The following SLF1 variants were observed in gnomAD, a reference collection of about 807,000 sequenced individuals.
The protein encoded by SLF1 is SMC5-SMC6 complex localization factor protein 1.
SLF1 carries 105 observed loss-of-function variants against 123.0 expected under a neutral mutation model. That is an observed-to-expected ratio of 0.85 (90% CI 0.73 to 1.00). The LOEUF (loss-of-function observed/expected upper bound fraction) is 1.00. Ranked by LOEUF, SLF1 falls within the 50% of genes least tolerant of loss-of-function variation. The pLI, the probability that SLF1 is intolerant of heterozygous loss-of-function variation, is 0.00. For synonymous variants in SLF1, 434 were observed against 406.6 expected (o/e 1.07, Z -0.81); for missense variants, 1,239 against 1,223.0 (o/e 1.01, Z -0.20).
chr5:94,664,616 T>C (rs961565462), intron 11 of SLF1, among the ~76,000 whole-genome samples: 3 of 152,230 alleles, frequency 2.0e-5, no homozygotes, highest in Non-Finnish European at 4.4e-5. Context: ...AGGCATAAGC[T>C]TTGTCAGGTA....
At position 94,662,301 on chromosome 5, in the gene SLF1, G is replaced by A. The variant is rs1749214001; in HGVS notation, c.1159G>A (p.Val387Ile). The A allele has an allele frequency of 6.5e-7, 1 of 1,547,906 alleles. No homozygotes were observed. Among genetic ancestry groups the A allele is most frequent in the African/African-American group, 1.4e-5 (1 of 72,942 alleles). The change falls in exon 10 of 21, where the codon GTC (valine) becomes ATC (isoleucine). Residue 387 changes from valine (V) to isoleucine (I), a missense_variant. By Grantham distance (29) the Val-to-Ile change is conservative. Coordinates refer to ENST00000265140, the MANE Select transcript of SLF1 (RefSeq NM_032290.4). ...LRKHIYRAQA[V>I]RYNCIRIDKQ... ...TTATATGGTTGCTCTTTTGTAGGCT[G>A]TCAGATACAACTGCATTAGAATAGA...
At position 94,697,262 on chromosome 5, in the gene SLF1, A is replaced by G. The variant is rs1585256368; in HGVS notation, c.*1950A>G. 4 of 151,962 alleles carry G rather than the reference A, an allele frequency of 2.6e-5. No individual in the cohort carries two copies. Among genetic ancestry groups the G allele is most frequent in the South Asian group, 4.1e-4 (2 of 4,824 alleles). 9.4% of individuals were successfully genotyped at this position (151,962 alleles called of 1,614,324 possible). ...ACTGTGTTCTGTGCCCTGGCTAACA[A>G]TACCAGTATATGAGTATGAATCTAA... On this transcript the variant is annotated 3_prime_UTR_variant, in exon 21 of 21. Transcript: ENST00000265140.
intron 4 of SLF1, 75 bp downstream of exon 4, chr5:94,630,818 T>G: frequency 6.8e-7 from 1 of 1,468,184 alleles, no homozygotes; most frequent in East Asian, 2.5e-5. Context: ...CTTTCTGTAT[T>G]TTTTTGCAAT....
At chr5:94,620,952 CT>C (rs1186998425) in intron 1 of SLF1, among the ~76,000 whole-genome samples, 1 of 152,090 alleles carries the variant, frequency 6.6e-6, no homozygotes, top group Non-Finnish European at 1.5e-5. Flanking sequence ...TACCAAATCA[CT>C]TTTGAGAGGA....
At chr5:94,623,238 G>T (rs949269468) in intron 1 of SLF1, among the ~76,000 whole-genome samples, 4 of 152,046 alleles carry the variant, frequency 2.6e-5, no homozygotes, top group South Asian at 2.1e-4. Context: ...GAGATATTTT[G>T]GGAAACTCCA....
chr5:94,622,540 C>T (rs1358047364), intron 1 of SLF1, among the ~76,000 whole-genome samples: 3 of 151,974 alleles, frequency 2.0e-5, no homozygotes, highest in Admixed American at 2.0e-4. Context: ...TCAGATAAAA[C>T]CTAAAAGTCA....
chr5:94,668,072 TTCTCTCC>T (rs1044147751), intron 12 of SLF1, among the ~76,000 whole-genome samples: 10 of 151,878 alleles, frequency 6.6e-5, no homozygotes, highest in Non-Finnish European at 1.2e-4. Flanking sequence ...CTCTTCTCTC[TTCTCTCC>T]TCTCTCCTCT....
chr5:94,625,018 C>G (rs903578317), intron 1 of SLF1, among the ~76,000 whole-genome samples: 2 of 150,974 alleles, frequency 1.3e-5, no homozygotes, highest in African/African-American at 4.9e-5. Flanking sequence ...AACCCCATTT[C>G]TACTAAAAAG....
chr5:94,673,717 T>C (rs1220216514), intron 14 of SLF1, among the ~76,000 whole-genome samples: 2 of 125,708 alleles, frequency 1.6e-5, no homozygotes, highest in African/African-American at 5.7e-5. Context: ...AAAAAAAAAT[T>C]CATCTGAATT....
intron 5 of SLF1, among the ~76,000 whole-genome samples, chr5:94,645,162 T>C (rs1314911174): frequency 1.3e-5 from 2 of 152,124 alleles, no homozygotes; most frequent in African/African-American, 2.4e-5. Context: ...TAAGAGCTTC[T>C]AGGAAGTTGC....
At chr5:94,680,622 A>G (rs1253177234) in intron 15 of SLF1, among the ~76,000 whole-genome samples, 1 of 152,210 alleles carries the variant, frequency 6.6e-6, no homozygotes, top group African/African-American at 2.4e-5. Flanking sequence ...GGATAGTTAG[A>G]TGTCTTGTTT....
intron 5 of SLF1, among the ~76,000 whole-genome samples, chr5:94,649,161 G>C (rs1449838964): frequency 6.6e-6 from 1 of 152,154 alleles, no homozygotes; most frequent in Non-Finnish European, 1.5e-5. Flanking sequence ...ACAGGGACTA[G>C]ATAAAATATT....
At chr5:94,648,592 C>T (rs1198611041) in intron 5 of SLF1, among the ~76,000 whole-genome samples, 2 of 152,214 alleles carry the variant, frequency 1.3e-5, no homozygotes, top group Non-Finnish European at 2.9e-5. Context: ...AGCAATTCTC[C>T]TGCCTCGGCC....
At chr5:94,636,043 AAC>A (rs1745731657) in intron 4 of SLF1, among the ~76,000 whole-genome samples, 1 of 152,208 alleles carries the variant, frequency 6.6e-6, no homozygotes, top group African/African-American at 2.4e-5. Flanking sequence ...ATTTCCGAAG[AAC>A]AGTTTAGCCA....
At chr5:94,681,357 C>G (rs1751743369) in intron 15 of SLF1, among the ~76,000 whole-genome samples, 1 of 152,174 alleles carries the variant, frequency 6.6e-6, no homozygotes, top group Non-Finnish European at 1.5e-5. Flanking sequence ...GTCTCAAACT[C>G]CAGACCTCAG....
intron 15 of SLF1, among the ~76,000 whole-genome samples, chr5:94,686,326 G>C (rs1339352821): frequency 2.0e-5 from 3 of 152,014 alleles, no homozygotes; most frequent in Non-Finnish European, 2.9e-5. Flanking sequence ...TTCAAGACTT[G>C]TATCTGAAAT....
At position 94,649,816 on chromosome 5, in the gene SLF1, C is replaced by T. The variant is rs57219609; in HGVS notation, c.738+219C>T. On this transcript the variant is annotated intron_variant, in intron 6 of 20. Transcript: ENST00000265140. ...ATGCATATAGAAATACACAGAGTTC[C>T]TTATACATAGTGCGTTCTCAACACA... 5.4e-3 allele frequency among the ~76,000 whole-genome samples: 821 copies of T among 152,148 alleles called. 11 individuals carry two copies. Among genetic ancestry groups the T allele is most frequent in the African/African-American group, 0.019 (793 of 41,510 alleles).
At position 94,643,291 on chromosome 5, in the gene SLF1, G is replaced by C; in HGVS notation, c.450G>C (p.Lys150Asn). The change falls in exon 5 of 21, where the codon AAG becomes AAC. Residue 150 changes from lysine (K) to asparagine (N), a missense_variant. Transcript: ENST00000265140. ...TATTTAGAGTTTTGGAGGCTGGAAA[G>C]GCAAATGTTATTTTACCAAAAAGTT... ...DSLIRVLEAG[K>N]ANVILPKSSP... The C allele has an allele frequency of 6.5e-7, 1 of 1,539,070 alleles. No individual in the cohort carries two copies. Among genetic ancestry groups the C allele is most frequent in the Non-Finnish European group, 8.8e-7 (1 of 1,142,168 alleles).
intron 14 of SLF1, among the ~76,000 whole-genome samples, chr5:94,674,902 A>G (rs1242396041): frequency 6.6e-6 from 1 of 152,248 alleles, no homozygotes; most frequent in Non-Finnish European, 1.5e-5. Context: ...AATGTAAGCT[A>G]GTTTATATTA....
Sources: allele counts gnomAD v4.1 joint callset (sites outside exome capture counted in the v4.1 genomes callset), GRCh38; gene constraint gnomAD v4.1.1; transcripts MANE v1.5; gene names NCBI Gene and HGNC (gene_info 2026-07-23, HGNC 2026-07-21).